HORMAD2: variants seen among roughly 807,000 people sequenced by gnomAD.
HORMAD2 encodes HORMA domain-containing protein 2.
Under a neutral mutation model 38.8 loss-of-function variants are expected in HORMAD2, and 45 were observed. That is an observed-to-expected ratio of 1.16 (90% CI 0.91 to 1.49). The LOEUF (loss-of-function observed/expected upper bound fraction) is 1.49. HORMAD2 is among the 40% of genes most tolerant of loss of function. HORMAD2 has a pLI of 0.00. For missense variants in HORMAD2, 338 were observed against 367.0 expected, an observed-to-expected ratio of 0.92 and a Z score of 0.65; for synonymous variants, 126 against 122.8, an observed-to-expected ratio of 1.03 and a Z score of -0.17.
At chr22:30,123,783 A>C (rs1271557144) in intron 10 of HORMAD2, among the ~76,000 whole-genome samples, 1 of 151,660 alleles carries the variant, frequency 6.6e-6, no homozygotes, top group Non-Finnish European at 1.5e-5. Flanking sequence ...TAATCCTTTC[A>C]GCTCAGCCTC....
At chr22:30,191,256 T>C in the HORMAD2 span, among the ~76,000 whole-genome samples, 6 of 152,166 alleles carry the variant, frequency 3.9e-5, no homozygotes, top group Non-Finnish European at 7.3e-5. Flanking sequence ...CCAGGATTTA[T>C]TAAAGCTCAG....
intron 10 of HORMAD2, among the ~76,000 whole-genome samples, chr22:30,123,986 CTTTCT>C (rs1922648079): frequency 2.0e-5 from 3 of 150,366 alleles, no homozygotes; most frequent in South Asian, 4.6e-4. Context: ...TTAAGAATTT[CTTTCT>C]TTTTTTTTTT....
At chr22:30,163,071 A>C (rs987396022) in intron 10 of HORMAD2, among the ~76,000 whole-genome samples, 3 of 152,208 alleles carry the variant, frequency 2.0e-5, no homozygotes, top group African/African-American at 7.2e-5. Flanking sequence ...TTTTCACTTA[A>C]CATACGTCTT....
downstream of HORMAD2, among the ~76,000 whole-genome samples, chr22:30,181,307 A>G (rs900651380): frequency 1.3e-5 from 2 of 151,934 alleles, no homozygotes; most frequent in Admixed American, 6.6e-5. Context: ...ACCTGGCCTC[A>G]GGAGTTTGGA....
At chr22:30,133,000 A>G (rs1923391463) in intron 10 of HORMAD2, among the ~76,000 whole-genome samples, 1 of 152,338 alleles carries the variant, frequency 6.6e-6, no homozygotes, top group Admixed American at 6.5e-5. Flanking sequence ...AGAGTAAGAC[A>G]GAATATTCTG....
intron 10 of HORMAD2, among the ~76,000 whole-genome samples, chr22:30,158,274 CA>C (rs1925207246): frequency 6.6e-6 from 1 of 151,170 alleles, no homozygotes; most frequent in East Asian, 1.9e-4. Flanking sequence ...AAAACAAAAA[CA>C]AAACTTAAAA....
chr22:30,094,062 T>C (rs2068739042), intron 2 of HORMAD2, 59 bp downstream of exon 2: 4 of 1,219,140 alleles, frequency 3.3e-6, no homozygotes, highest in African/African-American at 1.5e-5. Context: ...TTCAGAATTA[T>C]GATTTTAATC....
chr22:30,086,841 C>G (rs980085638), intron 1 of HORMAD2, among the ~76,000 whole-genome samples: 5 of 152,120 alleles, frequency 3.3e-5, no homozygotes, highest in African/African-American at 9.7e-5. Context: ...GTTGCCCAGG[C>G]TGGAATGCAA....
In HORMAD2 at chr22:30,176,192, A is replaced by G; in HGVS notation, c.*25A>G. On this transcript the variant is annotated 3_prime_UTR_variant, in exon 11 of 11. Transcript: ENST00000336726. ...AAAGCTAAATATTCCTTCTACATTT[A>G]TTTTAAAATAAGTTTATTTTGTAAA... The G allele has an allele frequency of 7.2e-7, 1 of 1,387,380 alleles. No homozygotes were observed. Among genetic ancestry groups the G allele is most frequent in the African/African-American group, 1.4e-5 (1 of 70,148 alleles). 85.9% of individuals were successfully genotyped at this position (1,387,380 alleles called of 1,614,324 possible). A position where few individuals can be genotyped will look rare whatever the true frequency, so the allele number is the denominator to read the frequency against.
intron 10 of HORMAD2, among the ~76,000 whole-genome samples, chr22:30,167,978 C>T (rs1925886205): frequency 6.6e-6 from 1 of 152,310 alleles, no homozygotes; most frequent in East Asian, 1.9e-4. Context: ...TCCCATCACA[C>T]ACAGTTATTG....
chr22:30,139,539 G>A (rs1923931484), intron 10 of HORMAD2, among the ~76,000 whole-genome samples: 2 of 151,610 alleles, frequency 1.3e-5, no homozygotes, highest in Non-Finnish European at 2.9e-5. Context: ...CATGCCATCT[G>A]CAAATAGATA....
chr22:30,104,601 C>T, intron 5 of HORMAD2, 164 bp downstream of exon 5: 1 of 536,584 alleles, frequency 1.9e-6, no homozygotes, highest in Non-Finnish European at 3.2e-6. Context: ...CTGTTGTTGT[C>T]TCCTTTGCAT....
At chr22:30,137,393 G>T in intron 10 of HORMAD2, 2 of 467,388 alleles carry the variant, frequency 4.3e-6, no homozygotes, top group South Asian at 1.7e-5. Context: ...TTAGAAAATG[G>T]GTCAAGGTAT....
chr22:30,135,912 C>T (rs574584198), intron 10 of HORMAD2, among the ~76,000 whole-genome samples: 3 of 152,224 alleles, frequency 2.0e-5, no homozygotes, highest in Non-Finnish European at 4.4e-5. Context: ...ATAAAAGTTT[C>T]TTGATATGTA....
Position 30,141,595 on chromosome 22 carries a change from C to CT in HORMAD2, c.819+19398dup, listed in dbSNP as rs35003620. Among the ~76,000 whole-genome samples the CT allele has an allele frequency of 5.7e-3, 775 of 134,868 alleles. 6 individuals are homozygous for CT. Among genetic ancestry groups the CT allele is most frequent in the African/African-American group, 0.017 (615 of 36,922 alleles). The allele number at this position is 134,868 out of a possible 152,430, so 88.5% of individuals were successfully genotyped here. A position where few individuals can be genotyped will look rare whatever the true frequency, so the allele number is the denominator to read the frequency against. On this transcript the variant is annotated intron_variant, in intron 10 of 10. Transcript: ENST00000336726. ...CATTCCAGTGAGGTCAGAGAACATA[C>CT]TTTTTTTTTTTTTTTTTGAGACGGA...
chr22:30,142,826 A>G (rs146051267), intron 10 of HORMAD2, among the ~76,000 whole-genome samples: 1 of 151,952 alleles, frequency 6.6e-6, no homozygotes, highest in African/African-American at 2.4e-5. Flanking sequence ...TTTTTTCACT[A>G]TTTTTTTGAA....
At chr22:30,134,406 A>AAT (rs969493870) in intron 10 of HORMAD2, among the ~76,000 whole-genome samples, 13 of 147,534 alleles carry the variant, frequency 8.8e-5, no homozygotes, top group Admixed American at 4.8e-4. Flanking sequence ...TATAATCATA[A>AAT]ATATATATAT....
In HORMAD2 at chr22:30,098,901, T is replaced by C. The variant is rs1920926408; in HGVS notation, c.101T>C (p.Met34Thr). 2.5e-6 allele frequency: 4 copies of C among 1,613,586 alleles called. No individual in the cohort carries two copies. The highest frequency in any genetic ancestry group is 3.4e-6 in the Non-Finnish European group (4 of 1,179,636). ...QITNEHESLK[M>T]VKKLFATSIS... ...ACTAATGAGCATGAGTCATTGAAAA[T>C]GGTGAAGAAACTTTTTGCTACTTCC... is the stretch of plus-strand genomic sequence containing the variant. The change falls in exon 3 of 11, where the codon ATG becomes ACG. Residue 34 changes from methionine (M) to threonine (T), a missense_variant. Coordinates refer to ENST00000336726, the MANE Select transcript of HORMAD2 (RefSeq NM_152510.4).
At chr22:30,128,064 G>T (rs955926614) in intron 10 of HORMAD2, among the ~76,000 whole-genome samples, 1 of 152,186 alleles carries the variant, frequency 6.6e-6, no homozygotes, top group African/African-American at 2.4e-5. Flanking sequence ...CAGGGTGCCA[G>T]AGAGTGAGGC....
Sources: gnomAD v4.1 joint callset for allele counts (sites outside exome capture counted in the v4.1 genomes callset) on GRCh38, gnomAD v4.1.1 for gene constraint, MANE v1.5 for transcripts, NCBI Gene and HGNC (gene_info 2026-07-23, HGNC 2026-07-21) for gene names.